Variants in DLG2 observed in about 807,000 individuals in gnomAD.
DLG2 encodes disks large homolog 2.
A neutral mutation model predicts 132.5 loss-of-function variants in DLG2; 45 were observed. That is an observed-to-expected ratio of 0.34 (90% CI 0.27 to 0.44). The LOEUF (loss-of-function observed/expected upper bound fraction) is 0.44. Among genes scored for constraint, DLG2 ranks in the 20% least tolerant of loss-of-function variants. DLG2 has a pLI of 1.00. For synonymous variants in DLG2, 424 were observed against 419.6 expected (o/e 1.01, Z -0.13); for missense variants, 1,045 against 1,196.9 (o/e 0.87, Z 1.87).
chr11:83,476,997 GT>G (rs1251742126), intron 22 of DLG2, among the ~76,000 whole-genome samples: 7 of 152,212 alleles, frequency 4.6e-5, no homozygotes, highest in Non-Finnish European at 8.8e-5. Flanking sequence ...CAGTGGAGAA[GT>G]TTTGGGTCTC....
chr11:84,734,673 T>G (rs963309672), intron 6 of DLG2, among the ~76,000 whole-genome samples: 1 of 152,174 alleles, frequency 6.6e-6, no homozygotes, highest in Non-Finnish European at 1.5e-5. Context: ...TCCAACACTA[T>G]GTTGAATAGG....
At chr11:84,002,182 G>C (rs1198184578) in intron 11 of DLG2, among the ~76,000 whole-genome samples, 1 of 152,122 alleles carries the variant, frequency 6.6e-6, no homozygotes, top group Non-Finnish European at 1.5e-5. Context: ...GCAAAGAAGA[G>C]AGAACACCTA....
At chr11:85,434,820 A>G (rs941353230) in intron 3 of DLG2, among the ~76,000 whole-genome samples, 1 of 152,198 alleles carries the variant, frequency 6.6e-6, no homozygotes, top group African/African-American at 2.4e-5. Flanking sequence ...AGCTCATTTT[A>G]TGAGGCCAGC....
intron 15 of DLG2, among the ~76,000 whole-genome samples, chr11:83,895,335 T>C (rs1237794495): frequency 6.6e-6 from 1 of 151,958 alleles, no homozygotes; most frequent in African/African-American, 2.4e-5. Flanking sequence ...AATTTTTGTA[T>C]TTTTAGTAGA....
chr11:83,581,846 A>G (rs2096982134), intron 19 of DLG2, among the ~76,000 whole-genome samples: 1 of 152,002 alleles, frequency 6.6e-6, no homozygotes, highest in Non-Finnish European at 1.5e-5. Flanking sequence ...CTAAGAGAAC[A>G]GTAAGTGAAA....
At chr11:84,280,246 TA>T (rs1257111863) in intron 7 of DLG2, among the ~76,000 whole-genome samples, 1 of 151,586 alleles carries the variant, frequency 6.6e-6, no homozygotes, top group Admixed American at 6.6e-5. Flanking sequence ...GAAATTAAAA[TA>T]AAAAATAATG....
chr11:84,010,906 C>A (rs1051142674), intron 11 of DLG2, among the ~76,000 whole-genome samples: 17 of 152,084 alleles, frequency 1.1e-4, no homozygotes, highest in Admixed American at 9.2e-4. Context: ...ATTATCAAAT[C>A]TTTGCACTTG....
At chr11:84,219,322 C>T (rs951841085) in intron 8 of DLG2, among the ~76,000 whole-genome samples, 8 of 152,182 alleles carry the variant, frequency 5.3e-5, no homozygotes, top group African/African-American at 1.9e-4. Context: ...TGTACTCATT[C>T]ACCAATGTGT....
At chr11:84,973,575 A>G (rs903919751) in intron 6 of DLG2, among the ~76,000 whole-genome samples, 1 of 152,236 alleles carries the variant, frequency 6.6e-6, no homozygotes, top group African/African-American at 2.4e-5. Context: ...TAATTTCATT[A>G]TCACTGAGGA....
intron 3 of DLG2, among the ~76,000 whole-genome samples, chr11:85,528,324 A>C (rs2074943650): frequency 6.6e-6 from 1 of 152,152 alleles, no homozygotes; most frequent in South Asian, 2.1e-4. Context: ...TTAGGATTTT[A>C]AATATAAGTC....
chr11:85,461,702 G>A (rs968117176), intron 3 of DLG2, among the ~76,000 whole-genome samples: 4 of 152,198 alleles, frequency 2.6e-5, no homozygotes, highest in African/African-American at 9.7e-5. Context: ...AGCAAAAAAG[G>A]AGACGGAAAC....
At chr11:84,944,225 G>A (rs1222704003) in intron 6 of DLG2, among the ~76,000 whole-genome samples, 1 of 152,104 alleles carries the variant, frequency 6.6e-6, no homozygotes, top group Non-Finnish European at 1.5e-5. Flanking sequence ...GAGTTAAAAT[G>A]GCTTGGTGTT....
At chr11:84,829,702 A>G (rs1310605957) in intron 6 of DLG2, among the ~76,000 whole-genome samples, 1 of 151,708 alleles carries the variant, frequency 6.6e-6, no homozygotes, top group East Asian at 1.9e-4. Context: ...AGGGTCGAAG[A>G]TAATGAGGTG....
chr11:84,677,673 C>A (rs912177597), intron 6 of DLG2, among the ~76,000 whole-genome samples: 2 of 151,836 alleles, frequency 1.3e-5, no homozygotes, highest in African/African-American at 4.8e-5. Context: ...CACTTGAGGC[C>A]AAGAGCTAGA....
intron 6 of DLG2, among the ~76,000 whole-genome samples, chr11:84,636,993 G>C (rs957834664): frequency 6.6e-6 from 1 of 151,528 alleles, no homozygotes; most frequent in African/African-American, 2.4e-5. Flanking sequence ...TCGCCATGTT[G>C]GCCAGGCTGG....
intron 2 of DLG2, among the ~76,000 whole-genome samples, chr11:85,623,594 C>T (rs2081878191): frequency 2.0e-5 from 3 of 152,246 alleles, no homozygotes; most frequent in Admixed American, 6.5e-5. Context: ...TGAGCCACCG[C>T]GCCTGGCAAT....
chr11:84,995,321 C>T (rs1328847288), intron 6 of DLG2, among the ~76,000 whole-genome samples: 1 of 152,118 alleles, frequency 6.6e-6, no homozygotes, highest in African/African-American at 2.4e-5. Flanking sequence ...GTTAGAATCC[C>T]AGCTCCACCA....
intron 6 of DLG2, among the ~76,000 whole-genome samples, chr11:85,032,323 T>C (rs1250566394): frequency 6.6e-6 from 1 of 152,196 alleles, no homozygotes; most frequent in Non-Finnish European, 1.5e-5. Flanking sequence ...AGTTGAATAT[T>C]TACCCTTGCC....
intron 6 of DLG2, among the ~76,000 whole-genome samples, chr11:84,600,659 T>C (rs1206978425): frequency 6.6e-6 from 1 of 152,212 alleles, no homozygotes; most frequent in East Asian, 1.9e-4. Context: ...ATTTATCATG[T>C]ATAAATATAA....
Sources: gnomAD v4.1 joint callset for allele counts (sites outside exome capture counted in the v4.1 genomes callset) on GRCh38, gnomAD v4.1.1 for gene constraint, MANE v1.5 for transcripts, NCBI Gene and HGNC (gene_info 2026-07-23, HGNC 2026-07-21) for gene names.